EARS2: variants seen among roughly 807,000 people sequenced by gnomAD.
The protein encoded by EARS2 is nondiscriminating glutamyl-tRNA synthetase EARS2, mitochondrial.
EARS2 carries 50 observed loss-of-function variants against 54.1 expected under a neutral mutation model. The ratio of observed to expected loss-of-function variants is 0.92; its 90% CI spans 0.74 to 1.17. The LOEUF (loss-of-function observed/expected upper bound fraction) is 1.17. Among genes scored for constraint, EARS2 ranks in the 50% most tolerant of loss-of-function variants. EARS2 has a pLI of 0.00. For missense variants in EARS2, 673 were observed against 675.0 expected (o/e 1.00, Z 0.03); for synonymous variants, 298 against 281.0 (o/e 1.06, Z -0.61).
In EARS2 at chr16:23,529,764, T is replaced by C; in HGVS notation, c.1201A>G (p.Arg401Gly). The change falls in exon 6 of 9, where the codon AGG (arginine) becomes GGG (glycine). Residue 401 changes from arginine to glycine, a missense_variant. Transcript: ENST00000449606. ...CACACCTGTCTCAGCAGGAGGATCC[T>C]CTCCACGTAGACTGGGTTGAGGACA... ...RDVLNPVYVE[R>G]ILLLRQGHIC... The C allele has an allele frequency of 6.2e-7, 1 of 1,614,098 alleles. No homozygotes were observed. Among genetic ancestry groups the C allele is most frequent in the Non-Finnish European group, 8.5e-7 (1 of 1,180,022 alleles).
intron 2 of EARS2, chr16:23,550,988 A>T (rs6497674): frequency 0.86 from 130,505 of 152,168 alleles, 56,163 homozygotes; most frequent in Middle Eastern, 0.91. Flanking sequence ...TCCTCAGGAT[A>T]AAACTTCCCA....
At chr16:23,555,900 A>G (rs936396919) in intron 1 of EARS2, among the ~76,000 whole-genome samples, 3 of 152,236 alleles carry the variant, frequency 2.0e-5, no homozygotes, top group Admixed American at 1.3e-4. Context: ...GGCGAAACTT[A>G]CATAGCAATC....
intron 1 of EARS2, among the ~76,000 whole-genome samples, chr16:23,554,627 G>A (rs1447027791): frequency 6.6e-6 from 1 of 152,112 alleles, no homozygotes; most frequent in African/African-American, 2.4e-5. Flanking sequence ...TGTAACCTTC[G>A]GATAGTTACT....
At chr16:23,537,823 ACT>A (rs1481489637) in intron 3 of EARS2, among the ~76,000 whole-genome samples, 4 of 134,984 alleles carry the variant, frequency 3.0e-5, no homozygotes, top group African/African-American at 5.7e-5. Flanking sequence ...TCAGGGTCTC[ACT>A]CTGTCACCCA....
At chr16:23,538,101 G>A (rs532659542) in intron 3 of EARS2, among the ~76,000 whole-genome samples, 191 of 147,582 alleles carry the variant, frequency 1.3e-3, no homozygotes, top group African/African-American at 4.6e-3. Flanking sequence ...TATTCTAATC[G>A]ATACATTGAT....
rs1463422953 is a variant in EARS2 at position 23,529,486 on chromosome 16, G to C, written c.1352+16C>G. 24 of 1,611,580 alleles carry C rather than the reference G, an allele frequency of 1.5e-5. No individual in the cohort carries two copies. The highest frequency in any genetic ancestry group is 1.9e-5 in the Non-Finnish European group (22 of 1,178,460). ...AGGAGGGTGTGGAACCCTGAGCTCA[G>C]CCTGCGGGTACTCACCCCAGCACAC... On this transcript the variant is annotated intron_variant, in intron 7 of 8. Coordinates refer to ENST00000449606, the MANE Select transcript of EARS2 (RefSeq NM_001083614.2).
At chr16:23,538,868 T>A (rs1333278123) in intron 3 of EARS2, among the ~76,000 whole-genome samples, 1 of 151,710 alleles carries the variant, frequency 6.6e-6, no homozygotes, top group African/African-American at 2.4e-5. Context: ...AAAAAAGTCC[T>A]AAGGGAAGCT....
At position 23,529,537 on chromosome 16, in the gene EARS2, C is replaced by T. The variant is rs74014932; in HGVS notation, c.1317G>A (p.Ser439=). The T allele has an allele frequency of 2.9e-4, 476 of 1,614,078 alleles. 1 individual carries two copies. In the African/African-American group the frequency reaches 5.7e-3, roughly 19 times the overall value. Residue 439 remains serine, a synonymous_variant, in exon 7 of 9, where the codon TCG becomes TCA. Coordinates refer to ENST00000449606, the MANE Select transcript of EARS2 (RefSeq NM_001083614.2). ...AVGRAQLDAI[S]EKVDVIAKRV... ...GCTTGGCAATCACATCCACCTTCTC[C>T]GAGATGGCGTCCAGCTGTGCTCGAC... is the stretch of plus-strand genomic sequence containing the variant.
Position 23,535,204 on chromosome 16 carries a change from C to T in EARS2, c.642G>A (p.Glu214=), listed in dbSNP as rs747129805. The T allele has an allele frequency of 3.0e-5, 48 of 1,613,760 alleles. No homozygotes were observed. The highest frequency in any genetic ancestry group is 1.3e-4 in the African/African-American group (10 of 75,054). ...CGCTCTTCATGATGACTGGGTCTCC[C>T]TCCACGCTGGCCACTTCATGCCTAT... ...GWNRHEVASV[E]GDPVIMKSDG... is the part of the protein sequence containing the mutation. The change falls in exon 4 of 9, where the codon GAG becomes GAA. Residue 214 remains glutamate (E), a synonymous_variant. Coordinates refer to ENST00000449606, the MANE Select transcript of EARS2 (RefSeq NM_001083614.2).
At chr16:23,554,173 C>G (rs984246072) in intron 1 of EARS2, among the ~76,000 whole-genome samples, 1 of 151,822 alleles carries the variant, frequency 6.6e-6, no homozygotes, top group African/African-American at 2.4e-5. Context: ...CCATGCCCGG[C>G]TAATATTTGT....
chr16:23,552,369 G>C (rs2142195847), intron 1 of EARS2, 65 bp from the exon 2 acceptor site: 3 of 1,529,334 alleles, frequency 2.0e-6, no homozygotes, highest in East Asian at 4.5e-5. Flanking sequence ...CAAGGGGCAA[G>C]TAAGCACTAC....
rs1171290141 is a variant in EARS2, at chr16:23,523,623, GA to G, written c.*747del. On this transcript the variant is annotated 3_prime_UTR_variant, in exon 9 of 9. Coordinates refer to ENST00000449606, the MANE Select transcript of EARS2 (RefSeq NM_001083614.2). The stretch of plus-strand genomic sequence containing the variant: ...GCTGCTCTGAGTCCTTGGGGCCTGA[GA>G]ACTGGGACCCATGAGTCCTGCTGCC... 3.3e-5 allele frequency: 5 copies of G among 152,258 alleles called. No homozygotes were observed. The highest frequency in any genetic ancestry group is 7.3e-5 in the Non-Finnish European group (5 of 68,114). 9.4% of individuals were successfully genotyped at this position (152,258 alleles called of 1,614,324 possible).
At chr16:23,525,402 C>A (rs1361188676) in intron 7 of EARS2, 23 bp from the exon 8 acceptor site, 1 of 1,605,954 alleles carries the variant, frequency 6.2e-7, no homozygotes, top group Non-Finnish European at 8.5e-7. Context: ...GGCCAGTTTA[C>A]AGGGCCTGCA....
In EARS2 at chr16:23,529,564, T is replaced by G; in HGVS notation, c.1290A>C (p.Val430=). Residue 430 remains valine (V), a synonymous_variant, in exon 7 of 9, where the codon GTA becomes GTC. Coordinates refer to ENST00000449606, the MANE Select transcript of EARS2 (RefSeq NM_001083614.2). Reference sequence around the variant, plus strand: ...AGATGGCGTCCAGCTGTGCTCGACCTACTGCAGGGCGAGTCCACAGGTAAG... The same window carrying G: ...AGATGGCGTCCAGCTGTGCTCGACCGACTGCAGGGCGAGTCCACAGGTAAG... ...VYSYLWTRPA[V]GRAQLDAISE... is the part of the protein sequence containing the mutation. 1 of 1,614,098 alleles carries G rather than the reference T, an allele frequency of 6.2e-7. No homozygotes were observed. The highest frequency in any genetic ancestry group is 8.5e-7 in the Non-Finnish European group (1 of 1,179,998).
chr16:23,522,094 G>T lies in EARS2; in HGVS notation c.*2277C>A, dbSNP rs568986406. ...TATCTGACACCTGGGAGAGGGTGAG[G>T]CTCATATAAGCGCACAATAAATTAC... On this transcript the variant is annotated 3_prime_UTR_variant, in exon 9 of 9. Transcript: ENST00000449606. 4.4e-5 allele frequency: 13 copies of T among 296,476 alleles called. No homozygotes were observed. The highest frequency in any genetic ancestry group is 8.8e-5 in the Non-Finnish European group (13 of 147,278). 18.4% of individuals were successfully genotyped at this position (296,476 alleles called of 1,614,324 possible).
rs374596534 is a variant in EARS2 at position 23,551,911 on chromosome 16, C to A, written c.295+238G>T. ...CTCCAGCCTGGGCAACAGAGCAAGA[C>A]TCTGTCTCAAAAACAATAAATAAAT... On this transcript the variant is annotated intron_variant, in intron 2 of 8. Transcript: ENST00000449606. 3.9e-5 allele frequency among the ~76,000 whole-genome samples: 6 copies of A among 152,284 alleles called. No individual in the cohort carries two copies. The East Asian group carries it at 1.2e-3, about 29-fold the overall frequency.
chr16:23,541,195 C>T (rs1028227537), intron 3 of EARS2, among the ~76,000 whole-genome samples: 2 of 151,742 alleles, frequency 1.3e-5, no homozygotes, highest in African/African-American at 2.4e-5. Context: ...GGTGTGGTGG[C>T]GGGCACCTGT....
chr16:23,541,822 T>C (rs890848183), intron 3 of EARS2, among the ~76,000 whole-genome samples: 2 of 151,658 alleles, frequency 1.3e-5, no homozygotes, highest in African/African-American at 4.8e-5. Context: ...ACCTCCCAGG[T>C]AGCTAGGATT....
chr16:23,548,213 G>A (rs909687138), intron 2 of EARS2, among the ~76,000 whole-genome samples: 2 of 150,292 alleles, frequency 1.3e-5, no homozygotes, highest in South Asian at 2.1e-4. Flanking sequence ...CAGCCTGGGC[G>A]ACAGAGCGAG....
Sources: allele counts gnomAD v4.1 joint callset (sites outside exome capture counted in the v4.1 genomes callset), GRCh38; gene constraint gnomAD v4.1.1; transcripts MANE v1.5; gene names NCBI Gene and HGNC (gene_info 2026-07-23, HGNC 2026-07-21).